The following MYO7B variants were observed in gnomAD, a reference collection of about 807,000 sequenced individuals.
MYO7B encodes myosin VIIB.
Under a neutral mutation model 259.7 loss-of-function variants are expected in MYO7B, and 212 were observed. The ratio of observed to expected loss-of-function variants is 0.82; its 90% CI spans 0.73 to 0.91. The LOEUF is 0.91. MYO7B is among the 40% of genes least tolerant of loss of function. MYO7B has a pLI of 0.00. For missense variants in MYO7B, 2,732 were observed against 2,813.5 expected, an observed-to-expected ratio of 0.97 and a Z score of 0.66; for synonymous variants, 1,197 against 1,166.4, an observed-to-expected ratio of 1.03 and a Z score of -0.54.
intron 14 of MYO7B, among the ~76,000 whole-genome samples, chr2:127,587,358 A>G (rs1679343671): frequency 6.6e-6 from 1 of 152,176 alleles, no homozygotes; most frequent in Non-Finnish European, 1.5e-5. Flanking sequence ...CAGCAGTAAC[A>G]AACACCACAG....
chr2:127,536,251 A>T (rs985992550), intron 1 of MYO7B, among the ~76,000 whole-genome samples: 1 of 152,144 alleles, frequency 6.6e-6, no homozygotes, highest in South Asian at 2.1e-4. Flanking sequence ...GTGACATCCC[A>T]CTGCGTCCTC....
intron 2 of MYO7B, among the ~76,000 whole-genome samples, chr2:127,561,258 G>A: frequency 6.6e-6 from 1 of 151,910 alleles, no homozygotes; most frequent in Non-Finnish European, 1.5e-5. Context: ...GTAAGTCTTT[G>A]AGAGGAGAGT....
At chr2:127,540,164 G>T (rs1289727989) in intron 1 of MYO7B, among the ~76,000 whole-genome samples, 1 of 125,688 alleles carries the variant, frequency 8.0e-6, no homozygotes, top group African/African-American at 2.7e-5. Context: ...TCTTTTTCTG[G>T]TTTTATTTTT....
intron 6 of MYO7B, among the ~76,000 whole-genome samples, chr2:127,571,821 G>A (rs1037752887): frequency 1.4e-4 from 21 of 152,140 alleles, no homozygotes; most frequent in African/African-American, 5.1e-4. Context: ...CTGGATACAA[G>A]TCCTTTATAA....
intron 27 of MYO7B, among the ~76,000 whole-genome samples, chr2:127,621,253 ATTTTTTTTTTTGT>A (rs1337509681): frequency 1.5e-5 from 2 of 136,596 alleles, no homozygotes; most frequent in Non-Finnish European, 3.1e-5. Context: ...CTCTTCTGCA[ATTTTTTTTTTTGT>A]TTTTTTTTTT....
rs775399725 is a variant in MYO7B at position 127,620,480 on chromosome 2, T to C, written c.3525+14T>C. The C allele has an allele frequency of 2.7e-6, 4 of 1,487,614 alleles. No individual in the cohort carries two copies. Among genetic ancestry groups the C allele is most frequent in the South Asian group, 1.3e-5 (1 of 77,598 alleles). The allele number at this position is 1,487,614 out of a possible 1,614,324, so 92.2% of individuals were successfully genotyped here. A position where few individuals can be genotyped will look rare whatever the true frequency, so the allele number is the denominator to read the frequency against. On this transcript the variant is annotated intron_variant, in intron 27 of 47. Coordinates refer to ENST00000409816, the MANE Select transcript of MYO7B (RefSeq NM_001393586.1). ...AGGTTCATGAAGGTGAGAGGGTTCA[T>C]GAAGGGAGGGCGGGCAGGGGGCAGG...
rs374114060 is a variant in MYO7B at position 127,609,339 on chromosome 2, G to A, written c.2815-167G>A. The stretch of plus-strand genomic sequence containing the variant: ...TGTAGAGAGCCCTGTGCTGGCACAC[G>A]GCAGCCCACCTGAGCCCACTGAATG... On this transcript the variant is annotated intron_variant, in intron 22 of 47. Coordinates refer to ENST00000409816, the MANE Select transcript of MYO7B (RefSeq NM_001393586.1). This position sits in a 1 kb window ranked among gnomAD's most constrained non-coding sequence, Gnocchi z 6.9. Among the ~76,000 whole-genome samples, 73 of 152,118 alleles carry A rather than the reference G, an allele frequency of 4.8e-4. No individual in the cohort carries two copies. Among genetic ancestry groups the A allele is most frequent in the African/African-American group, 1.6e-3 (68 of 41,492 alleles).
At chr2:127,564,372 G>A in intron 3 of MYO7B, 106 bp downstream of exon 3, 3 of 831,394 alleles carry the variant, frequency 3.6e-6, no homozygotes, top group Middle Eastern at 6.7e-4. Flanking sequence ...GGGCTCCAAG[G>A]CCAAGTGGGG....
chr2:127,566,528 A>C, intron 4 of MYO7B, 115 bp from the exon 5 acceptor site: 1 of 941,474 alleles, frequency 1.1e-6, no homozygotes, highest in Non-Finnish European at 1.5e-6. Flanking sequence ...TTCCCCACCA[A>C]AGTCAGTGGC....
intron 18 of MYO7B, among the ~76,000 whole-genome samples, chr2:127,595,075 A>T (rs188625123): frequency 6.6e-6 from 1 of 152,338 alleles, no homozygotes; most frequent in African/African-American, 2.4e-5. Context: ...TACTTCTGGT[A>T]GAATTCAGCT....
intron 14 of MYO7B, 55 bp from the exon 15 acceptor site, chr2:127,588,337 T>G: frequency 6.3e-7 from 1 of 1,586,364 alleles, no homozygotes; most frequent in Non-Finnish European, 8.6e-7. Context: ...TTCTTCCCCA[T>G]GGGTGGGCAG....
At chr2:127,632,670 TAG>T (rs1042539143) in intron 39 of MYO7B, among the ~76,000 whole-genome samples, 1 of 152,146 alleles carries the variant, frequency 6.6e-6, no homozygotes, top group Non-Finnish European at 1.5e-5. Flanking sequence ...GCCTGAGGGA[TAG>T]AGAGAAACCT....
chr2:127,555,653 C>T lies in MYO7B; in HGVS notation c.-23-4047C>T, dbSNP rs149551656. On this transcript the variant is annotated intron_variant, in intron 1 of 47. Coordinates refer to ENST00000409816, the MANE Select transcript of MYO7B (RefSeq NM_001393586.1). ...ATTTCCATCTTGATTTCATTGTTGA[C>T]CCAATGATCATTCAGGAGCTAGTTA... is the stretch of plus-strand genomic sequence containing the variant. 9.4e-3 allele frequency among the ~76,000 whole-genome samples: 1,426 copies of T among 152,242 alleles called. 20 individuals carry two copies. The highest frequency in any genetic ancestry group is 0.032 in the African/African-American group (1,346 of 41,536).
intron 38 of MYO7B, 148 bp downstream of exon 38, chr2:127,631,901 C>T: frequency 8.8e-7 from 1 of 1,140,050 alleles, no homozygotes; most frequent in Non-Finnish European, 1.2e-6. Context: ...AAGGGTTGGG[C>T]CCTTGGTCTG....
At chr2:127,637,106 C>G (rs375181659) in intron 47 of MYO7B, 193 bp downstream of exon 47, 1 of 1,076,386 alleles carries the variant, frequency 9.3e-7, no homozygotes, top group African/African-American at 1.6e-5. Flanking sequence ...CCAGGCGGGA[C>G]CCCCTGCGCC....
chr2:127,618,512 G>A (rs1400660921), intron 26 of MYO7B, among the ~76,000 whole-genome samples: 1 of 152,232 alleles, frequency 6.6e-6, no homozygotes, highest in Non-Finnish European at 1.5e-5. Flanking sequence ...AGAAACACTT[G>A]TGCCTGGGTC....
intron 40 of MYO7B, among the ~76,000 whole-genome samples, chr2:127,633,812 G>T (rs1053284101): frequency 3.3e-5 from 5 of 152,168 alleles, no homozygotes; most frequent in Admixed American, 3.3e-4. Context: ...ATCAGGGGCA[G>T]CAAAGACAAG....
In MYO7B at chr2:127,610,141, C is replaced by T. The variant is rs567985647; in HGVS notation, c.3192+125C>T. 16 of 1,307,856 alleles carry T rather than the reference C, an allele frequency of 1.2e-5. 1 individual carries two copies. In the East Asian group the frequency reaches 4.1e-4, roughly 33 times the overall value. The allele number at this position is 1,307,856 out of a possible 1,614,324, so 81.0% of individuals were successfully genotyped here. The stretch of plus-strand genomic sequence containing the variant: ...CTGGAGCCCTGTCCTCAGCCTTACC[C>T]ATGGAACCCAGCCCCCAGGCCATGG... On this transcript the variant is annotated intron_variant, in intron 24 of 47. Transcript: ENST00000409816.
rs771186667 is a variant in MYO7B at position 127,615,858 on chromosome 2, C to G, written c.3398+3255C>G. On this transcript the variant is annotated intron_variant, in intron 26 of 47. Transcript: ENST00000409816. The surrounding 1 kb of genome is among the most constrained non-coding windows in gnomAD (Gnocchi z 4.4). ...GCCAGTTGGTGGTTTGTTCCGTCTT[C>G]GCATTCAGCTGGTACTGGGGGAACC... 6.6e-6 allele frequency among the ~76,000 whole-genome samples: 1 copy of G among 152,182 alleles called. No individual in the cohort carries two copies. The highest frequency in any genetic ancestry group is 2.1e-4 in the South Asian group (1 of 4,828).
Sources: gnomAD v4.1 joint callset for allele counts (sites outside exome capture counted in the v4.1 genomes callset) on GRCh38, gnomAD v4.1.1 for gene constraint, Gnocchi (gnomAD v3.1) non-coding constraint, MANE v1.5 for transcripts, NCBI Gene and HGNC (gene_info 2026-07-23, HGNC 2026-07-21) for gene names.